Variants in ZNF407 observed in about 807,000 individuals in gnomAD.
The protein encoded by ZNF407 is zinc finger protein 407.
ZNF407 carries 17 observed loss-of-function variants against 131.2 expected under a neutral mutation model. The ratio of observed to expected loss-of-function variants is 0.13; its 90% CI spans 0.09 to 0.19. ZNF407 has a LOEUF of 0.19. Among genes scored for constraint, ZNF407 ranks in the 10% least tolerant of loss-of-function variants. ZNF407 has a pLI of 1.00. For synonymous variants in ZNF407, 1,156 were observed against 1,062.0 expected (o/e 1.09, Z -1.72); for missense variants, 2,681 against 2,830.6 (o/e 0.95, Z 1.20).
intron 3 of ZNF407, among the ~76,000 whole-genome samples, chr18:74,764,087 C>T (rs1969173919): frequency 1.3e-5 from 2 of 151,142 alleles, no homozygotes; most frequent in South Asian, 4.2e-4. Flanking sequence ...CATTGGTTTC[C>T]TTCATGTTTG....
At chr18:74,875,488 A>G (rs957490896) in intron 4 of ZNF407, among the ~76,000 whole-genome samples, 8 of 152,206 alleles carry the variant, frequency 5.3e-5, no homozygotes, top group African/African-American at 1.9e-4. Flanking sequence ...TTGTTAAAAG[A>G]TAGTATCTAC....
At chr18:74,818,925 T>A (rs1970303905) in intron 4 of ZNF407, among the ~76,000 whole-genome samples, 1 of 151,084 alleles carries the variant, frequency 6.6e-6, no homozygotes, top group South Asian at 2.1e-4. Context: ...TGACTCTTGA[T>A]AAATCATAAA....
At chr18:74,892,431 C>T (rs575531551) in intron 7 of ZNF407, among the ~76,000 whole-genome samples, 2 of 152,280 alleles carry the variant, frequency 1.3e-5, no homozygotes, top group South Asian at 4.1e-4. Context: ...TTGAAGTCAC[C>T]TAGAGAGAGT....
At chr18:75,060,759 C>T (rs1568315174) in intron 8 of ZNF407, among the ~76,000 whole-genome samples, 4 of 152,194 alleles carry the variant, frequency 2.6e-5, no homozygotes, top group Non-Finnish European at 5.9e-5. Context: ...TCCGCCTCGG[C>T]CTCCCAAAGT....
intron 3 of ZNF407, among the ~76,000 whole-genome samples, chr18:74,732,895 C>A (rs563811620): frequency 6.6e-6 from 1 of 151,826 alleles, no homozygotes; most frequent in Non-Finnish European, 1.5e-5. Flanking sequence ...ATTTTGAAAT[C>A]TAATGAGTAA....
At chr18:74,950,290 C>T (rs1010218365) in intron 8 of ZNF407, among the ~76,000 whole-genome samples, 2 of 152,206 alleles carry the variant, frequency 1.3e-5, no homozygotes, top group African/African-American at 2.4e-5. Context: ...TTGATTCCTA[C>T]CTACCACACT....
intron 3 of ZNF407, among the ~76,000 whole-genome samples, chr18:74,734,335 G>C (rs1968361579): frequency 6.6e-6 from 1 of 152,186 alleles, no homozygotes; most frequent in African/African-American, 2.4e-5. Flanking sequence ...GGTAGACCTT[G>C]TACCTCAATC....
chr18:75,037,879 C>T (rs946039158), intron 8 of ZNF407, among the ~76,000 whole-genome samples: 7 of 152,068 alleles, frequency 4.6e-5, no homozygotes, highest in Non-Finnish European at 1.0e-4. Context: ...CATTGCTCTT[C>T]CCTGGTAATT....
chr18:74,942,107 C>A lies in ZNF407; in HGVS notation c.5428+21415C>A, dbSNP rs1487310440. Among the ~76,000 whole-genome samples the A allele has an allele frequency of 2.0e-5, 3 of 152,114 alleles. No homozygotes were observed. In the East Asian group the frequency reaches 5.8e-4, roughly 29 times the overall value. On this transcript the variant is annotated intron_variant, in intron 8 of 8. Transcript: ENST00000299687. ...TCATGTGTGAAAGTTCTTTGCAAAC[C>A]ATTTAGTGCCATGCATTTCTAAGGT...
intron 3 of ZNF407, among the ~76,000 whole-genome samples, chr18:74,662,905 A>G (rs1985774620): frequency 6.6e-6 from 1 of 152,220 alleles, no homozygotes; most frequent in African/African-American, 2.4e-5. Context: ...AGTAAAATCA[A>G]TGTGTTGTCA....
chr18:75,038,919 G>A (rs1485811900), intron 8 of ZNF407, among the ~76,000 whole-genome samples: 1 of 152,196 alleles, frequency 6.6e-6, no homozygotes, highest in Non-Finnish European at 1.5e-5. Flanking sequence ...TTATTTGGTG[G>A]CAATCAAGAA....
intron 7 of ZNF407, among the ~76,000 whole-genome samples, chr18:74,916,704 AGT>A (rs1445169620): frequency 2.3e-5 from 3 of 128,152 alleles, no homozygotes; most frequent in African/African-American, 3.2e-5. Flanking sequence ...TCGAATCGGG[AGT>A]GTGTGTGTGT....
intron 8 of ZNF407, among the ~76,000 whole-genome samples, chr18:74,991,077 A>G (rs960701205): frequency 6.6e-6 from 1 of 152,232 alleles, no homozygotes; most frequent in Non-Finnish European, 1.5e-5. Context: ...GTGCTAGTTC[A>G]GCTTACTTGC....
intron 1 of ZNF407, among the ~76,000 whole-genome samples, chr18:74,625,031 A>G (rs1328212991): frequency 2.6e-5 from 4 of 152,218 alleles, no homozygotes; most frequent in Non-Finnish European, 5.9e-5. Context: ...CCCCCACAGA[A>G]TCTTACCCCA....
At chr18:74,788,124 C>T (rs1397201714) in intron 4 of ZNF407, among the ~76,000 whole-genome samples, 1 of 152,164 alleles carries the variant, frequency 6.6e-6, no homozygotes, top group African/African-American at 2.4e-5. Context: ...TAAAGGCATG[C>T]ATTTTATTTA....
At chr18:74,979,545 G>A (rs1285120488) in intron 8 of ZNF407, among the ~76,000 whole-genome samples, 1 of 152,092 alleles carries the variant, frequency 6.6e-6, no homozygotes, top group Non-Finnish European at 1.5e-5. Flanking sequence ...ACCCACCTCG[G>A]CCTCCCAAAG....
intron 8 of ZNF407, among the ~76,000 whole-genome samples, chr18:75,007,632 T>C (rs913316888): frequency 1.8e-4 from 27 of 152,236 alleles, no homozygotes; most frequent in East Asian, 1.7e-3. Flanking sequence ...TTCATTTCTA[T>C]GGTCTCTAAT....
At position 75,064,475 on chromosome 18, in the gene ZNF407, C is replaced by CG; in HGVS notation, c.*9dup. The CG allele has an allele frequency of 6.8e-7, 1 of 1,473,078 alleles. No individual in the cohort carries two copies. Among genetic ancestry groups the CG allele is most frequent in the South Asian group, 1.4e-5 (1 of 72,742 alleles). 91.3% of individuals were successfully genotyped at this position (1,473,078 alleles called of 1,614,324 possible). On this transcript the variant is annotated 3_prime_UTR_variant, in exon 9 of 9. Transcript: ENST00000299687. The stretch of plus-strand genomic sequence containing the variant: ...CGAACTCCAGGAAGCATGAGACGCG[C>CG]GGCACCTTTACTCAGCACAGGGCAG...
chr18:74,883,462 A>G (rs1971265801), intron 6 of ZNF407, among the ~76,000 whole-genome samples: 1 of 152,218 alleles, frequency 6.6e-6, no homozygotes, highest in African/African-American at 2.4e-5. Context: ...CAGCTTGGAA[A>G]GGAATACGTA....
Sources: allele counts gnomAD v4.1 joint callset (sites outside exome capture counted in the v4.1 genomes callset), GRCh38; gene constraint gnomAD v4.1.1; transcripts MANE v1.5; gene names NCBI Gene and HGNC (gene_info 2026-07-23, HGNC 2026-07-21).